FRMD4B: variants seen among roughly 807,000 people sequenced by gnomAD.
FRMD4B encodes the protein FERM domain-containing protein 4B.
In FRMD4B, 74 loss-of-function variants were observed where a neutral mutation model predicts 141.5. The observed-to-expected ratio is 0.52, with a 90% CI of 0.43 to 0.63. The LOEUF (loss-of-function observed/expected upper bound fraction) is 0.63, where lower values mean the gene tolerates loss of function less well. FRMD4B is among the 30% of genes least tolerant of loss of function. The probability of loss-of-function intolerance (pLI) is 0.00; values close to 1 mark genes in which losing one functional copy is unlikely to be tolerated. For synonymous variants in FRMD4B, 506 were observed against 467.9 expected (o/e 1.08, Z -1.05); for missense variants, 1,366 against 1,253.4 (o/e 1.09, Z -1.36).
chr3:69,510,613 A>G (rs1706672273), intron 1 of FRMD4B, among the ~76,000 whole-genome samples: 1 of 152,182 alleles, frequency 6.6e-6, no homozygotes, highest in Admixed American at 6.6e-5. Flanking sequence ...CAAAATTTAC[A>G]CGTTTAGGGC....
chr3:69,258,972 C>T (rs2093509681), intron 5 of FRMD4B, among the ~76,000 whole-genome samples: 1 of 152,164 alleles, frequency 6.6e-6, no homozygotes, highest in African/African-American at 2.4e-5. Flanking sequence ...AATTTTCCCA[C>T]GGACCAGGGT....
chr3:69,469,283 C>T (rs180690207), intron 1 of FRMD4B, among the ~76,000 whole-genome samples: 3 of 152,300 alleles, frequency 2.0e-5, no homozygotes, highest in Admixed American at 2.0e-4. Context: ...TAGGAAGTCT[C>T]AGCTAGAGAA....
intron 5 of FRMD4B, among the ~76,000 whole-genome samples, chr3:69,254,199 A>T (rs9841198): frequency 6.6e-6 from 1 of 152,014 alleles, no homozygotes; most frequent in East Asian, 1.9e-4. Flanking sequence ...CCGCCTCCCG[A>T]GTTCAAGCGA....
intron 3 of FRMD4B, among the ~76,000 whole-genome samples, chr3:69,309,143 A>G (rs560758168): frequency 2.0e-5 from 3 of 152,034 alleles, no homozygotes; most frequent in Non-Finnish European, 4.4e-5. Flanking sequence ...CTATTTTTAG[A>G]GATGGGTTCT....
chr3:69,262,490 T>A (rs2093534077), intron 5 of FRMD4B, among the ~76,000 whole-genome samples: 2 of 120,036 alleles, frequency 1.7e-5, no homozygotes, highest in South Asian at 5.6e-4. Flanking sequence ...TTTTTTGAGA[T>A]GGAGTTTCGC....
chr3:69,298,702 G>A (rs1178780887), intron 4 of FRMD4B, among the ~76,000 whole-genome samples: 1 of 152,162 alleles, frequency 6.6e-6, no homozygotes, highest in Admixed American at 6.6e-5. Flanking sequence ...CCTGGGTCCT[G>A]GGTCCTTGTC....
rs370426905 is a variant in FRMD4B, at chr3:69,195,134, G to A, written c.1376C>T (p.Thr459Ile). The change falls in exon 16 of 23, where the codon ACA becomes ATA. Residue 459 changes from threonine to isoleucine, a missense_variant. Transcript: ENST00000398540. ...KKICLREAEL[T>I]GKMPKEYPLN... Reference sequence around the variant, plus strand: ...GGGATACTCCTTTGGCATTTTGCCTGTGAGCTCCTGTAAAACAGGACAGAA... The same window carrying A: ...GGGATACTCCTTTGGCATTTTGCCTATGAGCTCCTGTAAAACAGGACAGAA... The A allele has an allele frequency of 9.3e-6, 15 of 1,613,880 alleles. No homozygotes were observed. In the African/African-American group the frequency reaches 1.2e-4, roughly 13 times the overall value.
intron 1 of FRMD4B, among the ~76,000 whole-genome samples, chr3:69,496,880 C>T (rs757607828): frequency 4.9e-5 from 7 of 143,048 alleles, no homozygotes; most frequent in Non-Finnish European, 9.0e-5. Flanking sequence ...AGAGTTACAT[C>T]TCTATTTGCT....
intron 1 of FRMD4B, among the ~76,000 whole-genome samples, chr3:69,540,815 A>G (rs1366990884): frequency 6.6e-6 from 1 of 151,428 alleles, no homozygotes; most frequent in East Asian, 1.9e-4. Flanking sequence ...TACATAAACC[A>G]CAGATTACTG....
chr3:69,381,474 C>T (rs570362329), intron 1 of FRMD4B, among the ~76,000 whole-genome samples: 1 of 152,250 alleles, frequency 6.6e-6, no homozygotes, highest in Non-Finnish European at 1.5e-5. Context: ...TTTGGCTTTC[C>T]TTACAAACAA....
At chr3:69,343,655 C>T (rs938107127) in intron 1 of FRMD4B, among the ~76,000 whole-genome samples, 4 of 148,702 alleles carry the variant, frequency 2.7e-5, no homozygotes, top group African/African-American at 9.9e-5. Context: ...TCCCGGCTCA[C>T]TGCAACCTCC....
At chr3:69,486,533 T>C (rs1418858489) in intron 1 of FRMD4B, among the ~76,000 whole-genome samples, 1 of 152,218 alleles carries the variant, frequency 6.6e-6, no homozygotes, top group Non-Finnish European at 1.5e-5. Context: ...TTTGAATCTC[T>C]GCCAGGTAAC....
At chr3:69,330,665 T>C (rs1052739609) in intron 1 of FRMD4B, among the ~76,000 whole-genome samples, 36 of 151,636 alleles carry the variant, frequency 2.4e-4, no homozygotes, top group Admixed American at 7.9e-4. Flanking sequence ...TTTCCTTATC[T>C]ATGTATTTTA....
intron 9 of FRMD4B, 103 bp from the exon 10 acceptor site, chr3:69,218,482 A>G (rs2093162830): frequency 3.4e-6 from 2 of 593,098 alleles, no homozygotes; most frequent in South Asian, 4.4e-5. Context: ...TCCTTATTAT[A>G]AGAATAATTA....
intron 7 of FRMD4B, among the ~76,000 whole-genome samples, chr3:69,237,799 C>T (rs2093355357): frequency 1.3e-5 from 2 of 152,174 alleles, no homozygotes; most frequent in South Asian, 4.1e-4. Flanking sequence ...GGCGCGATCT[C>T]GGCTGACTGC....
At chr3:69,302,316 A>G (rs763040716) in intron 4 of FRMD4B, 27 bp downstream of exon 4, 2 of 1,228,418 alleles carry the variant, frequency 1.6e-6, no homozygotes, top group Non-Finnish European at 2.4e-6. Flanking sequence ...AAAAAGAGGG[A>G]TGCTAACTGG....
At chr3:69,185,998 T>A (rs1330192408) in intron 19 of FRMD4B, among the ~76,000 whole-genome samples, 3 of 150,306 alleles carry the variant, frequency 2.0e-5, no homozygotes, top group African/African-American at 7.4e-5. Context: ...GCCAAGATGG[T>A]GCTGCTGCAC....
At chr3:69,474,894 G>A (rs1419071714) in intron 1 of FRMD4B, among the ~76,000 whole-genome samples, 1 of 152,138 alleles carries the variant, frequency 6.6e-6, no homozygotes. Flanking sequence ...AGGATGCTAG[G>A]AAAGCCTATA....
intron 1 of FRMD4B, among the ~76,000 whole-genome samples, chr3:69,330,544 A>T (rs1267997011): frequency 5.9e-5 from 9 of 151,522 alleles, no homozygotes; most frequent in African/African-American, 2.2e-4. Context: ...ACAGGGTTTC[A>T]TCATGTTGGT....
Sources: gnomAD v4.1 joint callset for allele counts (sites outside exome capture counted in the v4.1 genomes callset) on GRCh38, gnomAD v4.1.1 for gene constraint, MANE v1.5 for transcripts, NCBI Gene and HGNC (gene_info 2026-07-23, HGNC 2026-07-21) for gene names.